The following KIFBP variants were observed in gnomAD, a reference collection of about 807,000 sequenced individuals.
KIFBP encodes the protein KIF-binding protein.
Under a neutral mutation model 58.9 loss-of-function variants are expected in KIFBP, and 46 were observed. The ratio of observed to expected loss-of-function variants is 0.78; its 90% CI spans 0.62 to 1.00. KIFBP has a LOEUF of 1.00. Among genes scored for constraint, KIFBP ranks in the 50% least tolerant of loss-of-function variants. KIFBP has a pLI of 0.00. For missense variants in KIFBP, 651 were observed against 752.9 expected (o/e 0.86, Z 1.58); for synonymous variants, 241 against 283.4 (o/e 0.85, Z 1.50).
rs186285217 is a variant in KIFBP, at chr10:69,014,000, G to A, written c.991-1541G>A. On this transcript the variant is annotated intron_variant, in intron 6 of 6. Transcript: ENST00000361983. ...TCTTGAGCTCAAGCGATCCACCCAC[G>A]TCGGCCTCCCAAAGTGCTGGGATTA... is the stretch of plus-strand genomic sequence containing the variant. 4.3e-3 allele frequency among the ~76,000 whole-genome samples: 647 copies of A among 152,106 alleles called. 3 individuals are homozygous for A. The highest frequency in any genetic ancestry group is 6.9e-3 in the Non-Finnish European group (468 of 67,980).
intron 1 of KIFBP, 73 bp downstream of exon 1, chr10:68,989,331 C>T: frequency 6.6e-7 from 1 of 1,521,600 alleles, no homozygotes; most frequent in African/African-American, 1.4e-5. Flanking sequence ...CTGCCAAGGC[C>T]AAGGGCAGAC....
At chr10:68,993,048 G>C (rs928881378) in intron 1 of KIFBP, among the ~76,000 whole-genome samples, 10 of 152,014 alleles carry the variant, frequency 6.6e-5, no homozygotes, top group Non-Finnish European at 1.5e-5. Context: ...CTGTTGAATT[G>C]CTGTTAAGAA....
chr10:69,009,993 T>C (rs1843574572), intron 5 of KIFBP, among the ~76,000 whole-genome samples: 1 of 152,148 alleles, frequency 6.6e-6, no homozygotes, highest in South Asian at 2.1e-4. Flanking sequence ...TCCCCTAATA[T>C]ATTAACTACA....
chr10:68,996,481 A>G (rs1298154028), intron 1 of KIFBP, among the ~76,000 whole-genome samples: 2 of 152,194 alleles, frequency 1.3e-5, no homozygotes, highest in African/African-American at 4.8e-5. Flanking sequence ...GAATAGCTTG[A>G]ACCTGGGAGG....
At position 68,992,823 on chromosome 10, in the gene KIFBP, A is replaced by G. The variant is rs545417996; in HGVS notation, c.426+3565A>G. The stretch of plus-strand genomic sequence containing the variant: ...TTTTTGTTTTGTTTTCTTTGCTTTT[A>G]TCTTTTGTTTTACATTTGGGGAGGG... On this transcript the variant is annotated intron_variant, in intron 1 of 6. Transcript: ENST00000361983. 2.0e-5 allele frequency among the ~76,000 whole-genome samples: 3 copies of G among 151,942 alleles called. No homozygotes were observed. The South Asian group carries it at 6.2e-4, about 32-fold the overall frequency.
chr10:69,005,821 A>G lies in KIFBP; in HGVS notation c.695A>G (p.His232Arg). Residue 232 changes from histidine (H) to arginine (R), a missense_variant, in exon 4 of 7, where the codon CAT becomes CGT. Coordinates refer to ENST00000361983, the MANE Select transcript of KIFBP (RefSeq NM_015634.4). ...TTTGAGAAGGCTGCTCACTATTGCCATAGTACACTAAAACGCCAGCTTGAG... is the reference window on the plus strand; with the variant it reads ...TTTGAGAAGGCTGCTCACTATTGCCGTAGTACACTAAAACGCCAGCTTGAG... ...EMFEKAAHYC[H>R]STLKRQLEHN... 1.2e-6 allele frequency: 2 copies of G among 1,614,160 alleles called. No homozygotes were observed. The highest frequency in any genetic ancestry group is 1.7e-6 in the Non-Finnish European group (2 of 1,179,964).
At chr10:68,994,916 A>G (rs1363400917) in intron 1 of KIFBP, among the ~76,000 whole-genome samples, 1 of 151,452 alleles carries the variant, frequency 6.6e-6, no homozygotes, top group Non-Finnish European at 1.5e-5. Context: ...ATTTTATTTT[A>G]TTTTAGAGAC....
At position 68,996,093 on chromosome 10, in the gene KIFBP, G is replaced by T. The variant is rs575521512; in HGVS notation, c.427-4331G>T. Among the ~76,000 whole-genome samples, 561 of 151,982 alleles carry T rather than the reference G, an allele frequency of 3.7e-3. 2 individuals carry two copies. Among genetic ancestry groups the T allele is most frequent in the African/African-American group, 0.013 (533 of 41,416 alleles). On this transcript the variant is annotated intron_variant, in intron 1 of 6. Coordinates refer to ENST00000361983, the MANE Select transcript of KIFBP (RefSeq NM_015634.4). Reference sequence around the variant, plus strand: ...GAATCGCTAGAACCCGGGAGGCGGAGGTTGCAGTGAGCCAAGATCATGTCA... The same window carrying T: ...GAATCGCTAGAACCCGGGAGGCGGATGTTGCAGTGAGCCAAGATCATGTCA...
At chr10:69,000,179 C>T (rs1843450522) in intron 1 of KIFBP, among the ~76,000 whole-genome samples, 1 of 151,988 alleles carries the variant, frequency 6.6e-6, no homozygotes, top group South Asian at 2.1e-4. Flanking sequence ...TCACTAAAAC[C>T]AGCCTGTACT....
rs538278434 is a variant in KIFBP at position 68,990,152 on chromosome 10, ATT to A, written c.426+897_426+898del. ...TAGTATTAATAACTTTCTTGGGACC[ATT>A]TTGGGCCAAACTGATCTCTCCCTCC... On this transcript the variant is annotated intron_variant, in intron 1 of 6. Coordinates refer to ENST00000361983, the MANE Select transcript of KIFBP (RefSeq NM_015634.4). 2.3e-3 allele frequency among the ~76,000 whole-genome samples: 346 copies of A among 152,234 alleles called. 1 individual carries two copies. Among genetic ancestry groups the A allele is most frequent in the African/African-American group, 7.9e-3 (327 of 41,542 alleles).
chr10:69,005,070 A>G lies in KIFBP; in HGVS notation c.550A>G (p.Thr184Ala), dbSNP rs112642097. Reference protein sequence around the residue: ...KEVGSPPLDPTERFLPEEEKL... With the variant: ...KEVGSPPLDPAERFLPEEEKL... Reference sequence around the variant, plus strand: ...GGTTGGGAGTCCTCCTCTTGATCCTACTGAGCGTTTTCTTCCTGAAGAAGA... The same window carrying G: ...GGTTGGGAGTCCTCCTCTTGATCCTGCTGAGCGTTTTCTTCCTGAAGAAGA... Residue 184 changes from threonine (T) to alanine (A), a missense_variant, in exon 3 of 7, where the codon ACT (threonine) becomes GCT (alanine). Coordinates refer to ENST00000361983, the MANE Select transcript of KIFBP (RefSeq NM_015634.4). The G allele has an allele frequency of 3.2e-5, 52 of 1,613,654 alleles. No homozygotes were observed. The African/African-American group carries it at 5.1e-4, about 16-fold the overall frequency.
intron 1 of KIFBP, among the ~76,000 whole-genome samples, chr10:68,993,705 C>T (rs1029479907): frequency 1.3e-5 from 2 of 151,934 alleles, no homozygotes; most frequent in Non-Finnish European, 2.9e-5. Context: ...CCTCACATCT[C>T]GGCTTCCCAA....
chr10:68,989,376 G>T, intron 1 of KIFBP, 118 bp downstream of exon 1: 1 of 1,132,446 alleles, frequency 8.8e-7, no homozygotes, highest in Non-Finnish European at 1.3e-6. Context: ...CGTTTTTGTA[G>T]CTCTGGACTG....
intron 1 of KIFBP, among the ~76,000 whole-genome samples, chr10:68,992,287 T>C (rs1422176598): frequency 1.3e-5 from 2 of 152,166 alleles, no homozygotes; most frequent in Non-Finnish European, 2.9e-5. Flanking sequence ...AGCCACTGTG[T>C]CTGGCCTTTT....
chr10:68,992,521 C>T (rs746248097), intron 1 of KIFBP, among the ~76,000 whole-genome samples: 1 of 152,106 alleles, frequency 6.6e-6, no homozygotes, highest in East Asian at 1.9e-4. Context: ...GTATTTGTAA[C>T]GCTTCCAGAG....
chr10:69,014,918 T>TTTTG (rs1436983806), intron 6 of KIFBP, among the ~76,000 whole-genome samples: 1 of 152,008 alleles, frequency 6.6e-6, no homozygotes, highest in African/African-American at 2.4e-5. Context: ...ATTACAGTCT[T>TTTTG]TTTGTTTGTT....
At chr10:68,993,706 G>A (rs757832891) in intron 1 of KIFBP, among the ~76,000 whole-genome samples, 3 of 151,552 alleles carry the variant, frequency 2.0e-5, no homozygotes, top group South Asian at 2.1e-4. Flanking sequence ...CTCACATCTC[G>A]GCTTCCCAAA....
In KIFBP at chr10:68,989,180, G is replaced by T; in HGVS notation, c.348G>T (p.Glu116Asp). ...CGGAGGAGCTGTCGGCGGGGGAGGA[G>T]CACCTGGTGAAATGCCTGCGGCTGC... ...IDTEELSAGE[E>D]HLVKCLRLLR... The change falls in exon 1 of 7, where the codon GAG becomes GAT. Residue 116 changes from glutamate to aspartate, a missense_variant. Coordinates refer to ENST00000361983, the MANE Select transcript of KIFBP (RefSeq NM_015634.4). 6.2e-7 allele frequency: 1 copy of T among 1,613,810 alleles called. No homozygotes were observed. Among genetic ancestry groups the T allele is most frequent in the Non-Finnish European group, 8.5e-7 (1 of 1,179,908 alleles).
rs1352201955 is a variant in KIFBP at position 68,989,108 on chromosome 10, G to A, written c.276G>A (p.Val92=). 1.2e-6 allele frequency: 2 copies of A among 1,609,762 alleles called. No individual in the cohort carries two copies. The highest frequency in any genetic ancestry group is 2.7e-5 in the African/African-American group (2 of 74,784). ...EPEGPVAQRA[V]RLAVIEFHLG... is the part of the protein sequence containing the mutation. ...AGGGGCCCGTCGCCCAGCGAGCGGT[G>A]AGGCTGGCAGTCATCGAGTTCCACC... Residue 92 remains valine, a synonymous_variant, in exon 1 of 7, where the codon GTG becomes GTA. Coordinates refer to ENST00000361983, the MANE Select transcript of KIFBP (RefSeq NM_015634.4).
Sources: allele counts gnomAD v4.1 joint callset (sites outside exome capture counted in the v4.1 genomes callset), GRCh38; gene constraint gnomAD v4.1.1; transcripts MANE v1.5; gene names NCBI Gene and HGNC (gene_info 2026-07-23, HGNC 2026-07-21).